KCNQ3: variants seen among roughly 807,000 people sequenced by gnomAD.
KCNQ3 encodes the protein potassium voltage-gated channel subfamily Q member 3.
In KCNQ3, 30 loss-of-function variants were observed where a neutral mutation model predicts 92.5. The observed-to-expected ratio is 0.32, with a 90% confidence interval of 0.24 to 0.44. The LOEUF (loss-of-function observed/expected upper bound fraction) is 0.44. KCNQ3 is among the 20% of genes least tolerant of loss of function. The probability of loss-of-function intolerance (pLI) is 1.00; values close to 1 mark genes in which losing one functional copy is unlikely to be tolerated. For missense variants in KCNQ3, 913 were observed against 1,140.3 expected (o/e 0.80, Z 2.87); for synonymous variants, 450 against 468.8 (o/e 0.96, Z 0.52).
chr8:132,428,259 A>G (rs941089227), intron 1 of KCNQ3, among the ~76,000 whole-genome samples: 2 of 152,018 alleles, frequency 1.3e-5, no homozygotes, highest in African/African-American at 4.8e-5. Context: ...CTTTTTCTCT[A>G]GACAGAGTCC....
At chr8:132,294,053 T>A (rs1816945533) in intron 1 of KCNQ3, among the ~76,000 whole-genome samples, 1 of 136,486 alleles carries the variant, frequency 7.3e-6, no homozygotes, top group South Asian at 2.5e-4. Flanking sequence ...CAGGCTGGAG[T>A]GCAGTGGCGT....
At chr8:132,470,692 T>A (rs1164665788) in intron 1 of KCNQ3, among the ~76,000 whole-genome samples, 2 of 152,280 alleles carry the variant, frequency 1.3e-5, no homozygotes, top group African/African-American at 4.8e-5. Flanking sequence ...TATCCTTATA[T>A]AATGTCCCCT....
At chr8:132,235,272 G>A (rs60916568) in intron 1 of KCNQ3, among the ~76,000 whole-genome samples, 21,591 of 151,998 alleles carry the variant, frequency 0.14, 1,801 homozygotes, top group African/African-American at 0.23. Context: ...GCCAAGGGTG[G>A]GGGGGGAATC....
chr8:132,150,163 A>T (rs2130959678), intron 9 of KCNQ3, among the ~76,000 whole-genome samples: 1 of 152,110 alleles, frequency 6.6e-6, no homozygotes, highest in African/African-American at 2.4e-5. Flanking sequence ...AATGTGAGAA[A>T]GTATTTGTGA....
intron 1 of KCNQ3, among the ~76,000 whole-genome samples, chr8:132,190,604 A>G (rs1046344608): frequency 6.6e-6 from 1 of 152,160 alleles, no homozygotes; most frequent in Non-Finnish European, 1.5e-5. Context: ...AGGGTCAACA[A>G]TCATGGGATA....
At chr8:132,473,613 T>C (rs1822340728) in intron 1 of KCNQ3, among the ~76,000 whole-genome samples, 1 of 152,200 alleles carries the variant, frequency 6.6e-6, no homozygotes, top group Non-Finnish European at 1.5e-5. Flanking sequence ...CACTGAATGC[T>C]TCTTCCATGT....
intron 1 of KCNQ3, among the ~76,000 whole-genome samples, chr8:132,433,975 G>A (rs1363200003): frequency 2.0e-5 from 3 of 152,002 alleles, no homozygotes; most frequent in African/African-American, 4.8e-5. Context: ...TTGGGAGGCC[G>A]AGGCGGGCGG....
intron 1 of KCNQ3, among the ~76,000 whole-genome samples, chr8:132,187,874 T>TA (rs1162805209): frequency 0.075 from 7,515 of 99,894 alleles, 346 homozygotes; most frequent in African/African-American, 0.15. Flanking sequence ...GTGGTGGTGA[T>TA]AGTGATGGTG....
intron 1 of KCNQ3, among the ~76,000 whole-genome samples, chr8:132,403,008 C>A (rs1390088984): frequency 1.4e-4 from 3 of 21,318 alleles, no homozygotes; most frequent in African/African-American, 4.6e-4. Flanking sequence ...CAGGGCGAGG[C>A]ACCATCACAA....
intron 11 of KCNQ3, among the ~76,000 whole-genome samples, chr8:132,139,827 G>A (rs1230117689): frequency 6.6e-6 from 1 of 152,122 alleles, no homozygotes; most frequent in Non-Finnish European, 1.5e-5. Context: ...ACTGTCAGGA[G>A]GGCTGTGGGG....
chr8:132,393,808 G>A (rs1015988052), intron 1 of KCNQ3, among the ~76,000 whole-genome samples: 2 of 152,150 alleles, frequency 1.3e-5, no homozygotes, highest in Non-Finnish European at 2.9e-5. Flanking sequence ...TTAAAATTCA[G>A]GTCTTTCAGC....
intron 1 of KCNQ3, among the ~76,000 whole-genome samples, chr8:132,202,363 C>A (rs887178217): frequency 1.3e-5 from 2 of 152,170 alleles, no homozygotes; most frequent in African/African-American, 4.8e-5. Flanking sequence ...CTTGATCACA[C>A]CTTTGGTATT....
At chr8:132,309,669 A>C (rs1817533916) in intron 1 of KCNQ3, among the ~76,000 whole-genome samples, 1 of 152,202 alleles carries the variant, frequency 6.6e-6, no homozygotes, top group African/African-American at 2.4e-5. Context: ...CAGCTAAAAG[A>C]ATGAACTAGT....
chr8:132,130,799 T>A lies in KCNQ3; in HGVS notation c.1885-803A>T, dbSNP rs181389928. 2.7e-3 allele frequency among the ~76,000 whole-genome samples: 404 copies of A among 152,352 alleles called. 5 individuals are homozygous for A. The highest frequency in any genetic ancestry group is 1.6e-3 in the Non-Finnish European group (107 of 68,030). On this transcript the variant is annotated intron_variant, in intron 14 of 14. Transcript: ENST00000388996. ...CTGAAGACCCTACCTAGCAGCTTGC[T>A]CTTGCCTGCCTAAATTGGCACCTTA...
At chr8:132,364,854 T>C (rs1819275139) in intron 1 of KCNQ3, among the ~76,000 whole-genome samples, 1 of 152,140 alleles carries the variant, frequency 6.6e-6, no homozygotes, top group African/African-American at 2.4e-5. Flanking sequence ...TTCCTAAGTA[T>C]TTTTGGGGTA....
At chr8:132,323,775 C>T (rs1191442465) in intron 1 of KCNQ3, among the ~76,000 whole-genome samples, 2 of 152,160 alleles carry the variant, frequency 1.3e-5, no homozygotes, top group African/African-American at 2.4e-5. Flanking sequence ...ATCAAGACAA[C>T]TGTGGGTCTC....
intron 1 of KCNQ3, among the ~76,000 whole-genome samples, chr8:132,427,469 G>A (rs550953663): frequency 6.6e-6 from 1 of 152,350 alleles, no homozygotes; most frequent in East Asian, 1.9e-4. Context: ...TACAGACCAT[G>A]CTTTTGGCTA....
At chr8:132,243,731 G>A (rs1815067506) in intron 1 of KCNQ3, among the ~76,000 whole-genome samples, 1 of 152,170 alleles carries the variant, frequency 6.6e-6, no homozygotes, top group Admixed American at 6.5e-5. Flanking sequence ...GCAAGGTAAA[G>A]TATCTAATGG....
chr8:132,251,200 GA>G (rs1040501958), intron 1 of KCNQ3, among the ~76,000 whole-genome samples: 1 of 152,104 alleles, frequency 6.6e-6, no homozygotes, highest in Non-Finnish European at 1.5e-5. Flanking sequence ...CTGGGAGGTG[GA>G]GGAGGCAGTG....
Sources: gnomAD v4.1 joint callset for allele counts (sites outside exome capture counted in the v4.1 genomes callset) on GRCh38, gnomAD v4.1.1 for gene constraint, MANE v1.5 for transcripts, NCBI Gene and HGNC (gene_info 2026-07-23, HGNC 2026-07-21) for gene names.